The following CACNA1D variants were observed in gnomAD, a reference collection of about 807,000 sequenced individuals.
CACNA1D encodes the protein voltage-dependent L-type calcium channel subunit alpha-1D.
In CACNA1D, 55 loss-of-function variants were observed where a neutral mutation model predicts 257.1. That is an observed-to-expected ratio of 0.21 (90% CI 0.17 to 0.27). CACNA1D has a LOEUF of 0.27. CACNA1D is among the 10% of genes least tolerant of loss of function. The pLI is 1.00. For missense variants in CACNA1D, 1,876 were observed against 2,784.0 expected (o/e 0.67, Z 7.34); for synonymous variants, 980 against 1,014.9 (o/e 0.97, Z 0.65).
chr3:53,695,902 C>G (rs2094569118), intron 8 of CACNA1D, among the ~76,000 whole-genome samples: 1 of 152,056 alleles, frequency 6.6e-6, no homozygotes, highest in Non-Finnish European at 1.5e-5. Flanking sequence ...ATCCAGGTTC[C>G]TTAGTTTTGT....
rs369377818 is a variant in CACNA1D at position 53,781,585 on chromosome 3, T to A, written c.4710T>A (p.Asn1570Lys). The A allele has an allele frequency of 5.0e-6, 8 of 1,613,606 alleles. No homozygotes were observed. The highest frequency in any genetic ancestry group is 6.8e-6 in the Non-Finnish European group (8 of 1,179,592). The change falls in exon 39 of 48, where the codon AAT (asparagine) becomes AAA (lysine). Residue 1570 changes from asparagine to lysine, a missense_variant. Asn to Lys is a moderately conservative substitution (Grantham distance 94, BLOSUM62 0). Coordinates refer to ENST00000350061, the MANE Select transcript of CACNA1D (RefSeq NM_001128840.3). Reference sequence around the variant, plus strand: ...ATCCAGGGAACCTGGAGCAAGCTAATGAAGAACTTCGGGCTGTGATAAAGA... The same window carrying A: ...ATCCAGGGAACCTGGAGCAAGCTAAAGAAGAACTTCGGGCTGTGATAAAGA... ...IKTEGNLEQA[N>K]EELRAVIKKI...
At chr3:53,798,322 T>TGC (rs1264181360) in intron 40 of CACNA1D, among the ~76,000 whole-genome samples, 5 of 144,118 alleles carry the variant, frequency 3.5e-5, no homozygotes, top group South Asian at 2.1e-4. Flanking sequence ...TGTGTGTGTG[T>TGC]GTGTGCGTGT....
chr3:53,729,140 TTA>T (rs1306758841), intron 15 of CACNA1D, among the ~76,000 whole-genome samples: 1 of 152,192 alleles, frequency 6.6e-6, no homozygotes, highest in Non-Finnish European at 1.5e-5. Flanking sequence ...AATGCTCATG[TTA>T]CCAAGCCATC....
chr3:53,726,810 G>A (rs535201380), intron 14 of CACNA1D, 69 bp from the exon 15 acceptor site: 10 of 1,609,566 alleles, frequency 6.2e-6, no homozygotes, highest in Non-Finnish European at 8.5e-6. Context: ...GGCAGCCACC[G>A]AGGGGCTCTA....
intron 3 of CACNA1D, among the ~76,000 whole-genome samples, chr3:53,539,205 G>A (rs1236303699): frequency 1.3e-5 from 2 of 152,000 alleles, no homozygotes; most frequent in East Asian, 1.9e-4. Flanking sequence ...CGCCTCCCGG[G>A]TTCAAGCACT....
chr3:53,590,644 G>T (rs940112402), intron 3 of CACNA1D, among the ~76,000 whole-genome samples: 1 of 152,206 alleles, frequency 6.6e-6, no homozygotes, highest in Non-Finnish European at 1.5e-5. Context: ...TGGTTGGTTG[G>T]AGAGTCAGTA....
chr3:53,536,595 G>T (rs1184233552), intron 3 of CACNA1D, among the ~76,000 whole-genome samples: 1 of 152,198 alleles, frequency 6.6e-6, no homozygotes. Context: ...GGGCCAACAC[G>T]GCCTTATGCC....
chr3:53,804,949 C>T, intron 44 of CACNA1D, 34 bp from the exon 45 acceptor site: 1 of 1,608,138 alleles, frequency 6.2e-7, no homozygotes, highest in South Asian at 1.1e-5. Flanking sequence ...AGCTTGTTAC[C>T]TAGAACCTTA....
At chr3:53,790,411 A>T (rs1230854348) in intron 40 of CACNA1D, among the ~76,000 whole-genome samples, 3 of 152,248 alleles carry the variant, frequency 2.0e-5, no homozygotes, top group African/African-American at 4.8e-5. Flanking sequence ...TTCTTTTAAC[A>T]TTCAAGAATT....
chr3:53,672,931 A>T, intron 7 of CACNA1D, 92 bp from the exon 8 acceptor site: 1 of 812,078 alleles, frequency 1.2e-6, no homozygotes, highest in Non-Finnish European at 2.0e-6. Context: ...ATGTTTAATT[A>T]AATGTATAGA....
chr3:53,515,365 C>G (rs908145087), intron 3 of CACNA1D, among the ~76,000 whole-genome samples: 1 of 152,124 alleles, frequency 6.6e-6, no homozygotes, highest in African/African-American at 2.4e-5. Context: ...GCCCGATGGT[C>G]GTGCAGTTCC....
In CACNA1D at chr3:53,749,446, A is replaced by C; in HGVS notation, c.3493A>C (p.Asn1165His). ...GGAACAAGGAGAAAAAGAGTATAAG[A>C]ACTGTGAGCTGGACAAAAATCAGGT... Reference protein sequence around the residue: ...FQEQGEKEYKNCELDKNQRQC... With the variant: ...FQEQGEKEYKHCELDKNQRQC... Residue 1165 changes from asparagine to histidine, a missense_variant, in exon 27 of 48, where the codon AAC becomes CAC. Coordinates refer to ENST00000350061, the MANE Select transcript of CACNA1D (RefSeq NM_001128840.3). 6.2e-7 allele frequency: 1 copy of C among 1,613,756 alleles called. No homozygotes were observed. Among genetic ancestry groups the C allele is most frequent in the Non-Finnish European group, 8.5e-7 (1 of 1,179,644 alleles).
chr3:53,668,752 T>A (rs1040051225), intron 7 of CACNA1D, among the ~76,000 whole-genome samples: 1 of 152,230 alleles, frequency 6.6e-6, no homozygotes, highest in African/African-American at 2.4e-5. Context: ...TGTTCAGCCC[T>A]TCCACTATAG....
intron 3 of CACNA1D, among the ~76,000 whole-genome samples, chr3:53,555,154 G>A (rs562988396): frequency 5.3e-5 from 8 of 152,320 alleles, no homozygotes; most frequent in African/African-American, 1.7e-4. Flanking sequence ...CCATGAGGAT[G>A]CCATAACCAA....
chr3:53,647,106 G>C (rs575303993), intron 3 of CACNA1D, among the ~76,000 whole-genome samples: 3 of 151,872 alleles, frequency 2.0e-5, no homozygotes, highest in Admixed American at 6.6e-5. Flanking sequence ...AGTGGCTTGA[G>C]TTCTCGTGGG....
intron 7 of CACNA1D, among the ~76,000 whole-genome samples, chr3:53,672,697 A>G (rs57920655): frequency 1.5e-4 from 23 of 151,490 alleles, no homozygotes; most frequent in African/African-American, 4.4e-4. Flanking sequence ...GCCATATCCC[A>G]GCTGATTTTC....
At chr3:53,650,965 G>A (rs760602446) in intron 4 of CACNA1D, 47 bp downstream of exon 4, 10 of 1,535,138 alleles carry the variant, frequency 6.5e-6, no homozygotes, top group Non-Finnish European at 9.0e-6. Context: ...AAAATGGGAG[G>A]TGGAGGTTGG....
intron 9 of CACNA1D, among the ~76,000 whole-genome samples, chr3:53,705,952 A>C (rs1012856278): frequency 6.6e-6 from 1 of 152,310 alleles, no homozygotes; most frequent in African/African-American, 2.4e-5. Context: ...GATTCACCAC[A>C]TGCACATGCC....
chr3:53,759,318 A>G (rs918855805), intron 29 of CACNA1D, among the ~76,000 whole-genome samples: 4 of 152,266 alleles, frequency 2.6e-5, no homozygotes, highest in Non-Finnish European at 5.9e-5. Flanking sequence ...GAGAACACTG[A>G]TAATTCTGGA....
Sources: allele counts gnomAD v4.1 joint callset (sites outside exome capture counted in the v4.1 genomes callset), GRCh38; gene constraint gnomAD v4.1.1; transcripts MANE v1.5; gene names NCBI Gene and HGNC (gene_info 2026-07-23, HGNC 2026-07-21).